Variants in NFU1 observed in about 807,000 individuals in gnomAD.
NFU1 encodes the protein NFU1 iron-sulfur cluster scaffold homolog, mitochondrial.
A neutral mutation model predicts 32.2 loss-of-function variants in NFU1; 30 were observed. The ratio of observed to expected loss-of-function variants is 0.93; its 90% CI spans 0.70 to 1.26. The LOEUF is 1.26. Among genes scored for constraint, NFU1 ranks in the 50% most tolerant of loss-of-function variants. The pLI is 0.00. For missense variants in NFU1, 306 were observed against 306.6 expected (o/e 1.00, Z 0.02); for synonymous variants, 112 against 104.6 (o/e 1.07, Z -0.43).
At chr2:69,437,691 G>GT (rs1210336860), upstream of NFU1, 4 of 576,572 alleles carry the variant, frequency 6.9e-6, no homozygotes, top group Non-Finnish European at 9.4e-6. Context: ...TCCGTACTTT[G>GT]TTTTCCCTGT....
At chr2:69,399,235 T>G in intron 7 of NFU1, 1 of 316,876 alleles carries the variant, frequency 3.2e-6, no homozygotes, top group African/African-American at 2.3e-5. Flanking sequence ...AAAGAATGAA[T>G]TACCTGAAAT....
At chr2:69,407,563 G>C (rs1672736211) in intron 5 of NFU1, among the ~76,000 whole-genome samples, 1 of 150,996 alleles carries the variant, frequency 6.6e-6, no homozygotes, top group African/African-American at 2.4e-5. Context: ...TGTAATCCCA[G>C]CTACTCGGTA....
At chr2:69,423,146 T>TTGTGTG (rs1169374450) in intron 3 of NFU1, among the ~76,000 whole-genome samples, 1 of 132,134 alleles carries the variant, frequency 7.6e-6, no homozygotes, top group Non-Finnish European at 1.5e-5. Context: ...TCAGCTAAAT[T>TTGTGTG]TGTGTGTGTG....
intron 5 of NFU1, among the ~76,000 whole-genome samples, chr2:69,406,942 G>A (rs886765101): frequency 1.3e-5 from 2 of 152,074 alleles, no homozygotes; most frequent in Non-Finnish European, 2.9e-5. Flanking sequence ...AGATCTGATC[G>A]TTTTATAAGG....
chr2:69,397,679 G>A (rs1163483062), intron 7 of NFU1, among the ~76,000 whole-genome samples: 1 of 151,784 alleles, frequency 6.6e-6, no homozygotes, highest in Non-Finnish European at 1.5e-5. Context: ...TTGGGAGGCT[G>A]AGGCAGGTGG....
At chr2:69,396,610 G>A (rs1007179321) in intron 7 of NFU1, among the ~76,000 whole-genome samples, 2 of 151,618 alleles carry the variant, frequency 1.3e-5, no homozygotes, top group Non-Finnish European at 2.9e-5. Context: ...CCGAGATCGC[G>A]CCACTGCACT....
In NFU1 at chr2:69,423,166, G is replaced by A. The variant is rs868197002; in HGVS notation, c.302+416C>T. Among the ~76,000 whole-genome samples the A allele has an allele frequency of 2.2e-3, 209 of 94,430 alleles. 2 individuals are homozygous for A. In the Middle Eastern group the frequency reaches 0.036, roughly 16 times the overall value. The allele number at this position is 94,430 out of a possible 152,430, so 61.9% of individuals were successfully genotyped here. A position where few individuals can be genotyped will look rare whatever the true frequency, so the allele number is the denominator to read the frequency against. On this transcript the variant is annotated intron_variant, in intron 3 of 7. Transcript: ENST00000410022. ...TAAATTTGTGTGTGTGTGTGTGTGTGTATGTGTGTGTGTGTGTGGTGAGAT... is the reference window on the plus strand; with the variant it reads ...TAAATTTGTGTGTGTGTGTGTGTGTATATGTGTGTGTGTGTGTGGTGAGAT...
intron 1 of NFU1, among the ~76,000 whole-genome samples, chr2:69,436,238 C>A (rs1400082368): frequency 2.0e-5 from 3 of 152,150 alleles, no homozygotes. Flanking sequence ...TCCAGAGAAT[C>A]CATGTAAAGT....
chr2:69,395,768 G>A (rs919564774), downstream of NFU1: 1 of 155,072 alleles, frequency 6.4e-6, no homozygotes, highest in Non-Finnish European at 1.4e-5. Flanking sequence ...CTTTTTTTTG[G>A]TCTTAAGCAG....
Position 69,437,368 on chromosome 2 carries a change from G to A in NFU1, c.55C>T (p.Arg19Cys), listed in dbSNP as rs1673883208. 6.2e-7 allele frequency: 1 copy of A among 1,607,614 alleles called. No individual in the cohort carries two copies. The highest frequency in any genetic ancestry group is 8.5e-7 in the Non-Finnish European group (1 of 1,178,618). ...TCCAGGCTCGTCACCTACCGCCTGC[G>A]CAGCCCGGCGGCAACAGCCGCAGCT... is the stretch of plus-strand genomic sequence containing the variant. ...WGAAAVAAGL[R>C]RRFCHMLKNP... The change falls in exon 1 of 8, where the codon CGC becomes TGC. Residue 19 changes from arginine (R) to cysteine (C), a missense_variant. Coordinates refer to ENST00000410022, the MANE Select transcript of NFU1 (RefSeq NM_001002755.4).
At chr2:69,405,674 A>G (rs888441250) in intron 6 of NFU1, among the ~76,000 whole-genome samples, 1 of 152,172 alleles carries the variant, frequency 6.6e-6, no homozygotes. Context: ...TGGGCAATAT[A>G]CTGAAAATAG....
chr2:69,407,745 G>A (rs1672745893), intron 5 of NFU1, among the ~76,000 whole-genome samples: 1 of 151,330 alleles, frequency 6.6e-6, no homozygotes, highest in African/African-American at 2.4e-5. Context: ...TGGGCGCAGT[G>A]GTTCCCCCTA....
chr2:69,427,249 G>C (rs6546520), intron 2 of NFU1, among the ~76,000 whole-genome samples: 66,799 of 150,840 alleles, frequency 0.44, 15,084 homozygotes, highest in African/African-American at 0.52. Flanking sequence ...ACCGGGCGTG[G>C]TGGCAGGCGC....
At chr2:69,411,347 T>C (rs1025818557) in intron 5 of NFU1, among the ~76,000 whole-genome samples, 3 of 152,174 alleles carry the variant, frequency 2.0e-5, no homozygotes, top group East Asian at 1.9e-4. Context: ...TGGAGCTTCA[T>C]GTACAATCAC....
chr2:69,430,112 G>A (rs1274328722), intron 2 of NFU1: 5 of 198,790 alleles, frequency 2.5e-5, no homozygotes, highest in South Asian at 1.6e-4. Flanking sequence ...GTTTAATTTT[G>A]TATTTCAAAA....
At chr2:69,439,398 G>C (rs751131554), upstream of NFU1, among the ~76,000 whole-genome samples, 8 of 152,194 alleles carry the variant, frequency 5.3e-5, no homozygotes, top group Non-Finnish European at 1.5e-5. Flanking sequence ...TGTTTCTTCT[G>C]GTGGGTTCGT....
chr2:69,398,801 T>A (rs1246005007), intron 7 of NFU1, among the ~76,000 whole-genome samples: 1 of 152,162 alleles, frequency 6.6e-6, no homozygotes, highest in East Asian at 1.9e-4. Flanking sequence ...GTCTTCAGCC[T>A]CTCAGCTCCC....
rs73934929 is a variant in NFU1 at position 69,415,059 on chromosome 2, G to A, written c.484+126C>T. 7.5e-3 allele frequency: 4,789 copies of A among 639,710 alleles called. 184 individuals are homozygous for A. In the African/African-American group the frequency reaches 0.077, roughly 10 times the overall value. 39.6% of individuals were successfully genotyped at this position (639,710 alleles called of 1,614,324 possible). A position where few individuals can be genotyped will look rare whatever the true frequency, so the allele number is the denominator to read the frequency against. ...AGCTTTCAAAATGATATATAAATTTGCAGAGCTAAATATATTAAATGATAG... is the reference window on the plus strand; with the variant it reads ...AGCTTTCAAAATGATATATAAATTTACAGAGCTAAATATATTAAATGATAG... On this transcript the variant is annotated intron_variant, in intron 5 of 7. Coordinates refer to ENST00000410022, the MANE Select transcript of NFU1 (RefSeq NM_001002755.4).
intron 5 of NFU1, among the ~76,000 whole-genome samples, chr2:69,412,585 C>T (rs1672920732): frequency 6.6e-6 from 1 of 152,054 alleles, no homozygotes; most frequent in South Asian, 2.1e-4. Flanking sequence ...TGGGGTTTCA[C>T]CATGTTGGTC....
Sources: gnomAD v4.1 joint callset for allele counts (sites outside exome capture counted in the v4.1 genomes callset) on GRCh38, gnomAD v4.1.1 for gene constraint, MANE v1.5 for transcripts, NCBI Gene and HGNC (gene_info 2026-07-23, HGNC 2026-07-21) for gene names.